Variants in SPOCK3 observed in about 807,000 individuals in gnomAD.
SPOCK3 encodes the protein testican-3.
A neutral mutation model predicts 56.6 loss-of-function variants in SPOCK3; 30 were observed. That is an observed-to-expected ratio of 0.53 (90% CI 0.40 to 0.72). The LOEUF (loss-of-function observed/expected upper bound fraction) is 0.72. Among genes scored for constraint, SPOCK3 ranks in the 30% least tolerant of loss-of-function variants. SPOCK3 has a pLI of 0.00. For synonymous variants in SPOCK3, 196 were observed against 183.3 expected (o/e 1.07, Z -0.56); for missense variants, 527 against 530.0 (o/e 0.99, Z 0.06).
intron 3 of SPOCK3, among the ~76,000 whole-genome samples, chr4:167,054,584 C>A (rs1580138803): frequency 6.6e-6 from 1 of 152,140 alleles, no homozygotes; most frequent in Non-Finnish European, 1.5e-5. Context: ...GATGCCCAGA[C>A]CAATATATTG....
chr4:167,113,689 C>T (rs999784158), intron 2 of SPOCK3, among the ~76,000 whole-genome samples: 1 of 152,008 alleles, frequency 6.6e-6, no homozygotes, highest in African/African-American at 2.4e-5. Context: ...TCATTACCTA[C>T]CCATAGGCCT....
chr4:167,225,314 GACA>G (rs1320595398), intron 2 of SPOCK3, among the ~76,000 whole-genome samples: 6 of 152,006 alleles, frequency 3.9e-5, no homozygotes, highest in African/African-American at 1.2e-4. Context: ...GGAGGTGGGA[GACA>G]ACATTTCTGA....
At chr4:167,185,705 C>A (rs1731887786) in intron 2 of SPOCK3, among the ~76,000 whole-genome samples, 4 of 152,136 alleles carry the variant, frequency 2.6e-5, no homozygotes, top group Admixed American at 2.6e-4. Context: ...TATATTTTAG[C>A]ATAAACAAAT....
intron 2 of SPOCK3, among the ~76,000 whole-genome samples, chr4:167,204,890 A>G (rs926215922): frequency 6.6e-6 from 1 of 150,744 alleles, no homozygotes; most frequent in African/African-American, 2.4e-5. Flanking sequence ...TAGTGTTACT[A>G]CCACAGTTCA....
intron 2 of SPOCK3, among the ~76,000 whole-genome samples, chr4:167,117,054 C>T (rs1580349397): frequency 6.7e-6 from 1 of 150,362 alleles, no homozygotes; most frequent in Admixed American, 6.7e-5. Context: ...AACACTGGGG[C>T]CATGGTAAAT....
rs117980070 is a variant in SPOCK3, at chr4:166,969,584, T to G, written c.350+30765A>C. Among the ~76,000 whole-genome samples the G allele has an allele frequency of 6.6e-5, 9 of 137,374 alleles. No homozygotes were observed. The East Asian group carries it at 1.4e-3, about 21-fold the overall frequency. The allele number at this position is 137,374 out of a possible 152,430, so 90.1% of individuals were successfully genotyped here. On this transcript the variant is annotated intron_variant, in intron 4 of 10. Transcript: ENST00000357545. ...GTTTAGCACTTCCCCCTTAATTCTC[T>G]CTCTTCTGCTGCCATGGGAAGATGT...
intron 7 of SPOCK3, among the ~76,000 whole-genome samples, chr4:166,773,687 C>A (rs1432140773): frequency 6.6e-6 from 1 of 152,110 alleles, no homozygotes; most frequent in Non-Finnish European, 1.5e-5. Context: ...TACATCAGCT[C>A]TTTATGGGTG....
At chr4:167,205,894 C>T (rs1580622600) in intron 2 of SPOCK3, among the ~76,000 whole-genome samples, 2 of 151,736 alleles carry the variant, frequency 1.3e-5, no homozygotes, top group South Asian at 4.2e-4. Context: ...CAGGCATAAG[C>T]CACCGCATCC....
intron 2 of SPOCK3, among the ~76,000 whole-genome samples, chr4:167,218,620 T>A (rs974237413): frequency 3.9e-5 from 6 of 152,134 alleles, no homozygotes; most frequent in African/African-American, 1.4e-4. Flanking sequence ...GTTTTTAATA[T>A]ATTTTAGTCC....
chr4:166,770,132 T>C (rs994462422), intron 7 of SPOCK3, among the ~76,000 whole-genome samples: 1 of 152,170 alleles, frequency 6.6e-6, no homozygotes, highest in African/African-American at 2.4e-5. Flanking sequence ...CCCTTGAGCT[T>C]CCCTGGTGAG....
At chr4:166,928,832 G>A (rs1032353984) in intron 4 of SPOCK3, among the ~76,000 whole-genome samples, 1 of 152,116 alleles carries the variant, frequency 6.6e-6, no homozygotes, top group African/African-American at 2.4e-5. Flanking sequence ...GCCAGGTGTG[G>A]TGGTGGGTGC....
At chr4:167,205,372 A>ATATATAAAATATATATATTATATAT (rs1734068356) in intron 2 of SPOCK3, among the ~76,000 whole-genome samples, 1 of 35,128 alleles carries the variant, frequency 2.8e-5, no homozygotes, top group African/African-American at 1.8e-4. Context: ...TATATATTTT[A>ATATATAAAATATATATATTATATAT]TATATATAAT....
At chr4:166,894,822 G>A (rs1252872539) in intron 5 of SPOCK3, among the ~76,000 whole-genome samples, 2 of 151,976 alleles carry the variant, frequency 1.3e-5, no homozygotes, top group Non-Finnish European at 2.9e-5. Context: ...TTCCAAACAG[G>A]AATTATTAAT....
intron 2 of SPOCK3, 89 bp downstream of exon 2, chr4:167,233,896 G>T: frequency 1.7e-6 from 2 of 1,143,378 alleles, no homozygotes; most frequent in Non-Finnish European, 2.6e-6. Flanking sequence ...AGAAAACGGA[G>T]CCCACTCCCC....
At chr4:166,875,210 C>T (rs543124013) in intron 6 of SPOCK3, among the ~76,000 whole-genome samples, 1 of 151,970 alleles carries the variant, frequency 6.6e-6, no homozygotes, top group Non-Finnish European at 1.5e-5. Context: ...AAATAAGAAG[C>T]TGAAACTATG....
intron 2 of SPOCK3, among the ~76,000 whole-genome samples, chr4:167,093,020 A>T (rs1192613564): frequency 6.6e-6 from 1 of 152,196 alleles, no homozygotes; most frequent in African/African-American, 2.4e-5. Flanking sequence ...GAAATTCTGA[A>T]TAATTTTGAA....
At chr4:166,819,575 C>A (rs1744713575) in intron 6 of SPOCK3, among the ~76,000 whole-genome samples, 1 of 151,868 alleles carries the variant, frequency 6.6e-6, no homozygotes, top group Non-Finnish European at 1.5e-5. Flanking sequence ...ATTATATATT[C>A]CTAACAATGG....
chr4:167,011,729 C>T (rs964635558), intron 3 of SPOCK3, among the ~76,000 whole-genome samples: 16 of 152,000 alleles, frequency 1.1e-4, no homozygotes, highest in Non-Finnish European at 2.1e-4. Context: ...GGCTTTCTAA[C>T]AAATAAATAC....
At chr4:166,909,196 A>T (rs1300368520) in intron 5 of SPOCK3, among the ~76,000 whole-genome samples, 1 of 152,052 alleles carries the variant, frequency 6.6e-6, no homozygotes, top group East Asian at 1.9e-4. Flanking sequence ...TTTTTAAAAT[A>T]CTCTACTGAG....
Sources: allele counts gnomAD v4.1 joint callset (sites outside exome capture counted in the v4.1 genomes callset), GRCh38; gene constraint gnomAD v4.1.1; transcripts MANE v1.5; gene names NCBI Gene and HGNC (gene_info 2026-07-23, HGNC 2026-07-21).